Variants in MSI2 observed in about 807,000 individuals in gnomAD.
MSI2 encodes RNA-binding protein Musashi homolog 2.
In MSI2, 17 loss-of-function variants were observed where a neutral mutation model predicts 45.6. The observed-to-expected ratio is 0.37, with a 90% CI of 0.26 to 0.56. MSI2 has a LOEUF of 0.56. MSI2 is among the 20% of genes least tolerant of loss of function. The pLI, the probability that MSI2 is intolerant of heterozygous loss-of-function variation, is 0.77. For synonymous variants in MSI2, 156 were observed against 158.2 expected (o/e 0.99, Z 0.11); for missense variants, 293 against 444.2 (o/e 0.66, Z 3.06).
chr17:57,577,166 G>C (rs2088072879), intron 7 of MSI2, among the ~76,000 whole-genome samples: 1 of 152,220 alleles, frequency 6.6e-6, no homozygotes, highest in Admixed American at 6.5e-5. Context: ...GGGGGGCCAG[G>C]CTGCTTCCCC....
chr17:57,533,290 T>G (rs1308985074), intron 7 of MSI2, among the ~76,000 whole-genome samples: 1 of 152,152 alleles, frequency 6.6e-6, no homozygotes, highest in African/African-American at 2.4e-5. Context: ...AATGTATGTC[T>G]TCCACCCTGC....
intron 7 of MSI2, among the ~76,000 whole-genome samples, chr17:57,546,760 AC>A (rs2087177785): frequency 6.6e-6 from 1 of 151,854 alleles, no homozygotes; most frequent in Admixed American, 6.6e-5. Context: ...GCAGAGTGAA[AC>A]CCCCTGCCCC....
chr17:57,568,234 G>GA (rs2087785171), intron 7 of MSI2, among the ~76,000 whole-genome samples: 1 of 152,148 alleles, frequency 6.6e-6, no homozygotes, highest in South Asian at 2.1e-4. Flanking sequence ...TATAGAAAAT[G>GA]AAAGATGCTT....
chr17:57,313,727 A>G (rs140828137), intron 5 of MSI2, among the ~76,000 whole-genome samples: 26 of 152,296 alleles, frequency 1.7e-4, no homozygotes, highest in East Asian at 1.2e-3. Context: ...ATGTTTATCA[A>G]CGCCTTCTGT....
chr17:57,671,209 G>T (rs1270255212), intron 11 of MSI2, among the ~76,000 whole-genome samples: 2 of 152,188 alleles, frequency 1.3e-5, no homozygotes, highest in Non-Finnish European at 1.5e-5. Context: ...CTAGAGCAGG[G>T]CTTGTCCCAA....
intron 5 of MSI2, among the ~76,000 whole-genome samples, chr17:57,318,385 G>A (rs1007597912): frequency 2.0e-4 from 30 of 152,122 alleles, no homozygotes; most frequent in African/African-American, 6.0e-4. Context: ...TCATGGGACC[G>A]TGTCCTGAAT....
chr17:57,328,733 C>G (rs577981875), intron 5 of MSI2, among the ~76,000 whole-genome samples: 1 of 141,144 alleles, frequency 7.1e-6, no homozygotes, highest in South Asian at 2.3e-4. Context: ...TTTGAAGAGT[C>G]TTTTTTTTTT....
intron 4 of MSI2, among the ~76,000 whole-genome samples, chr17:57,261,512 T>A (rs1907307815): frequency 6.6e-6 from 1 of 152,182 alleles, no homozygotes; most frequent in Non-Finnish European, 1.5e-5. Flanking sequence ...TTTTTTATCT[T>A]TTGAGGTATA....
At chr17:57,585,806 G>A (rs757006795) in intron 7 of MSI2, among the ~76,000 whole-genome samples, 3 of 152,250 alleles carry the variant, frequency 2.0e-5, no homozygotes, top group Non-Finnish European at 4.4e-5. Flanking sequence ...TCCCGCAGTT[G>A]GAGCTCGCCA....
intron 6 of MSI2, among the ~76,000 whole-genome samples, chr17:57,408,464 A>G (rs1473332879): frequency 6.6e-6 from 1 of 152,256 alleles, no homozygotes; most frequent in African/African-American, 2.4e-5. Flanking sequence ...CTCAAACTTC[A>G]GCTTTGCTGT....
intron 7 of MSI2, among the ~76,000 whole-genome samples, chr17:57,579,669 C>T (rs949962095): frequency 6.6e-6 from 1 of 152,224 alleles, no homozygotes; most frequent in Non-Finnish European, 1.5e-5. Context: ...AACCCACATC[C>T]TACAGGGCCA....
At chr17:57,370,288 A>G (rs1363404149) in intron 5 of MSI2, among the ~76,000 whole-genome samples, 2 of 152,224 alleles carry the variant, frequency 1.3e-5, no homozygotes, top group African/African-American at 4.8e-5. Flanking sequence ...TTTAGGCAGA[A>G]CCTCACAAAT....
intron 6 of MSI2, among the ~76,000 whole-genome samples, chr17:57,470,164 C>T (rs2085406891): frequency 6.6e-6 from 1 of 152,218 alleles, no homozygotes; most frequent in South Asian, 2.1e-4. Context: ...TAACCCTGAT[C>T]TGTCTTCTCC....
In MSI2 at chr17:57,280,870, G is replaced by A. The variant is rs892041849; in HGVS notation, c.312+18678G>A. Among the ~76,000 whole-genome samples the A allele has an allele frequency of 1.4e-4, 22 of 152,066 alleles. No homozygotes were observed. The highest frequency in any genetic ancestry group is 3.4e-3 in the Middle Eastern group (1 of 294). ...ATCTTTTTCTTCTAAACCCTACTTCGGAGACCACTGCTTTTGGCCATGGGG... is the reference window on the plus strand; with the variant it reads ...ATCTTTTTCTTCTAAACCCTACTTCAGAGACCACTGCTTTTGGCCATGGGG... On this transcript the variant is annotated intron_variant, in intron 5 of 13. Transcript: ENST00000284073. The surrounding 1 kb of genome is among the most constrained non-coding windows in gnomAD (Gnocchi z 4.2).
chr17:57,397,090 T>A (rs2083904474), intron 5 of MSI2, among the ~76,000 whole-genome samples: 1 of 152,178 alleles, frequency 6.6e-6, no homozygotes, highest in South Asian at 2.1e-4. Context: ...ACTGTGGAGC[T>A]GAGTGGGGCC....
chr17:57,636,030 T>C (rs1237164912), intron 10 of MSI2, among the ~76,000 whole-genome samples: 1 of 152,134 alleles, frequency 6.6e-6, no homozygotes, highest in Non-Finnish European at 1.5e-5. Context: ...AGGAGAGGGA[T>C]CTGCTAGCTC....
chr17:57,557,921 G>T (rs775472128), intron 7 of MSI2, among the ~76,000 whole-genome samples: 1 of 152,176 alleles, frequency 6.6e-6, no homozygotes, highest in East Asian at 1.9e-4. Context: ...AGAAAGAAGC[G>T]TCATCTCCTT....
At chr17:57,657,853 TATTAAGG>T (rs1416399539) in intron 11 of MSI2, among the ~76,000 whole-genome samples, 1 of 152,202 alleles carries the variant, frequency 6.6e-6, no homozygotes, top group Non-Finnish European at 1.5e-5. Context: ...AACATGTATT[TATTAAGG>T]ATTTGTTTTG....
chr17:57,335,989 G>T (rs186746224), intron 5 of MSI2, among the ~76,000 whole-genome samples: 10 of 152,364 alleles, frequency 6.6e-5, no homozygotes, highest in African/African-American at 2.4e-4. Flanking sequence ...GGAAGCCACA[G>T]TGGGGTTCTG....
Sources: gnomAD v4.1 joint callset for allele counts (sites outside exome capture counted in the v4.1 genomes callset) on GRCh38, gnomAD v4.1.1 for gene constraint, Gnocchi (gnomAD v3.1) non-coding constraint, MANE v1.5 for transcripts, NCBI Gene and HGNC (gene_info 2026-07-23, HGNC 2026-07-21) for gene names.